Variants in CBFA2T3 observed in about 807,000 individuals in gnomAD.
CBFA2T3 encodes transcriptional corepressor CBFA2T3.
A neutral mutation model predicts 58.6 loss-of-function variants in CBFA2T3; 31 were observed. The ratio of observed to expected loss-of-function variants is 0.53; its 90% CI spans 0.40 to 0.71. The LOEUF is 0.71. Ranked by LOEUF, CBFA2T3 falls within the 30% of genes least tolerant of loss-of-function variation. CBFA2T3 has a pLI of 0.00. For missense variants in CBFA2T3, 1,076 were observed against 963.1 expected, an observed-to-expected ratio of 1.12 and a Z score of -1.55; for synonymous variants, 531 against 421.9, an observed-to-expected ratio of 1.26 and a Z score of -3.17.
Position 88,885,199 on chromosome 16 carries a change from T to G in CBFA2T3, c.964A>C (p.Asn322His). 6.2e-7 allele frequency: 1 copy of G among 1,602,610 alleles called. No homozygotes were observed. The highest frequency in any genetic ancestry group is 1.7e-5 in the Admixed American group (1 of 59,500). The change falls in exon 7 of 12, where the codon AAC becomes CAC. Residue 322 changes from asparagine to histidine, a missense_variant. Coordinates refer to ENST00000268679, the MANE Select transcript of CBFA2T3 (RefSeq NM_005187.6). This position sits in a 1 kb window ranked among gnomAD's most constrained non-coding sequence, Gnocchi z 5.3. ...CTGGGGCTGTAGCGCTGGGCAGGGTTCAGGGTGCATGGCCGTTTGCTGAGG... is the reference window on the plus strand; with the variant it reads ...CTGGGGCTGTAGCGCTGGGCAGGGTGCAGGGTGCATGGCCGTTTGCTGAGG... ...EHLSKRPCTL[N>H]PAQRYSPSNG...
chr16:88,957,146 C>G (rs1205382221), intron 1 of CBFA2T3, among the ~76,000 whole-genome samples: 6 of 152,196 alleles, frequency 3.9e-5, no homozygotes, highest in Non-Finnish European at 5.9e-5. Context: ...CCCAGCAGAA[C>G]CATCATCACA....
chr16:88,920,694 T>G (rs1003476722), intron 1 of CBFA2T3, among the ~76,000 whole-genome samples: 3 of 152,074 alleles, frequency 2.0e-5, no homozygotes, highest in African/African-American at 7.2e-5. Context: ...AAAGTGCAGG[T>G]GGACAAGGGC....
chr16:88,944,498 G>T (rs1182899064), intron 1 of CBFA2T3, among the ~76,000 whole-genome samples: 1 of 152,146 alleles, frequency 6.6e-6, no homozygotes, highest in Non-Finnish European at 1.5e-5. Flanking sequence ...GCGCACAGCG[G>T]GGCAGCCCCA....
At chr16:88,970,460 G>A (rs1045903621) in intron 1 of CBFA2T3, among the ~76,000 whole-genome samples, 6 of 152,212 alleles carry the variant, frequency 3.9e-5, no homozygotes, top group Admixed American at 1.3e-4. Context: ...CACAGCCTGG[G>A]AGGACGTGGC....
At chr16:88,899,912 G>A (rs1028967405) in intron 2 of CBFA2T3, among the ~76,000 whole-genome samples, 3 of 152,110 alleles carry the variant, frequency 2.0e-5, no homozygotes, top group African/African-American at 7.2e-5. Flanking sequence ...CGGTGTGGTC[G>A]CAAGCTGCCT....
chr16:88,975,123 C>CT (rs1972771550), intron 1 of CBFA2T3, among the ~76,000 whole-genome samples: 134 of 113,528 alleles, frequency 1.2e-3, no homozygotes, highest in African/African-American at 3.9e-3. Context: ...CCACCCTGGC[C>CT]CTCTGCTCCT....
intron 1 of CBFA2T3, among the ~76,000 whole-genome samples, chr16:88,963,337 GC>G (rs1972417574): frequency 7.6e-6 from 1 of 131,752 alleles, no homozygotes; most frequent in African/African-American, 2.7e-5. Context: ...CTTCTGCCAG[GC>G]TTTTTTTTTT....
intron 1 of CBFA2T3, among the ~76,000 whole-genome samples, chr16:88,947,971 G>A (rs148119929): frequency 1.4e-3 from 212 of 152,296 alleles, no homozygotes; most frequent in Middle Eastern, 0.01. Context: ...CGTAAAAGGA[G>A]GGAGGGGCAC....
intron 1 of CBFA2T3, among the ~76,000 whole-genome samples, chr16:88,926,691 G>A (rs912654349): frequency 1.8e-4 from 28 of 152,366 alleles, no homozygotes; most frequent in African/African-American, 6.7e-4. Context: ...GGTCCCGTGC[G>A]TGCCAGGGTG....
At chr16:88,934,330 T>C (rs1207674172) in intron 1 of CBFA2T3, among the ~76,000 whole-genome samples, 2 of 152,256 alleles carry the variant, frequency 1.3e-5, no homozygotes, top group Non-Finnish European at 2.9e-5. Flanking sequence ...GGAGGCTCCA[T>C]GCACGTTCCC....
At chr16:88,888,387 C>G (rs374436151) in intron 5 of CBFA2T3, among the ~76,000 whole-genome samples, 3 of 132,678 alleles carry the variant, frequency 2.3e-5, no homozygotes, top group East Asian at 2.3e-4. Context: ...CACTCCCACT[C>G]GGCACCTCCT....
At chr16:88,962,565 GAGGGCACGTGGTGGGGCCAGATCACCAA>G (rs1972392909) in intron 1 of CBFA2T3, among the ~76,000 whole-genome samples, 1 of 152,220 alleles carries the variant, frequency 6.6e-6, no homozygotes, top group South Asian at 2.1e-4. Flanking sequence ...TCTGCACCCT[GAGGGCACGTGGTGGGGCCAGATCACCAA>G]AGGGCACATT....
At chr16:88,941,646 G>T (rs1279204106) in intron 1 of CBFA2T3, 1 of 147,916 alleles carries the variant, frequency 6.8e-6, no homozygotes, top group Non-Finnish European at 1.5e-5. Flanking sequence ...GGGCGGCGCG[G>T]GGAGGCGCAG....
chr16:88,952,070 G>A (rs931007752), intron 1 of CBFA2T3, among the ~76,000 whole-genome samples: 7 of 152,354 alleles, frequency 4.6e-5, no homozygotes, highest in Admixed American at 2.0e-4. Flanking sequence ...CCAGGAGCCT[G>A]TGAGATCTAA....
chr16:88,903,025 G>C (rs1274748141), intron 1 of CBFA2T3, among the ~76,000 whole-genome samples: 1 of 152,214 alleles, frequency 6.6e-6, no homozygotes, highest in Admixed American at 6.5e-5. Context: ...CATGAAACAG[G>C]TGAGGCCACA....
At chr16:88,925,498 C>G (rs560328653) in intron 1 of CBFA2T3, among the ~76,000 whole-genome samples, 1 of 152,168 alleles carries the variant, frequency 6.6e-6, no homozygotes, top group Non-Finnish European at 1.5e-5. Flanking sequence ...AGACCTGCTC[C>G]GAGTGCCCTG....
chr16:88,913,117 G>T (rs1769846034), intron 1 of CBFA2T3, among the ~76,000 whole-genome samples: 3 of 152,270 alleles, frequency 2.0e-5, no homozygotes, highest in Admixed American at 1.3e-4. Flanking sequence ...CTGGCCGGGG[G>T]ACTTGCTTTG....
At chr16:88,966,040 T>A (rs1011321924) in intron 1 of CBFA2T3, among the ~76,000 whole-genome samples, 1 of 152,110 alleles carries the variant, frequency 6.6e-6, no homozygotes, top group Non-Finnish European at 1.5e-5. Context: ...GCATACAGAG[T>A]TCCCCCTGGG....
intron 1 of CBFA2T3, among the ~76,000 whole-genome samples, chr16:88,933,817 C>G (rs1356675018): frequency 6.6e-6 from 1 of 152,126 alleles, no homozygotes; most frequent in Non-Finnish European, 1.5e-5. Flanking sequence ...TCATGCCACG[C>G]GTATGTGACT....
Sources: allele counts gnomAD v4.1 joint callset (sites outside exome capture counted in the v4.1 genomes callset), GRCh38; gene constraint gnomAD v4.1.1; non-coding constraint Gnocchi (gnomAD v3.1); transcripts MANE v1.5; gene names NCBI Gene and HGNC (gene_info 2026-07-23, HGNC 2026-07-21).